RANBP2: variants seen among roughly 807,000 people sequenced by gnomAD.
The protein encoded by RANBP2 is E3 SUMO-protein ligase RanBP2.
RANBP2 carries 57 observed loss-of-function variants against 303.6 expected under a neutral mutation model. That is an observed-to-expected ratio of 0.19 (90% CI 0.15 to 0.23). RANBP2 has a LOEUF of 0.23. Among genes scored for constraint, RANBP2 ranks in the 10% least tolerant of loss-of-function variants. The pLI, the probability that RANBP2 is intolerant of heterozygous loss-of-function variation, is 1.00. For synonymous variants in RANBP2, 1,167 were observed against 1,301.5 expected, an observed-to-expected ratio of 0.90 and a Z score of 2.23; for missense variants, 3,138 against 3,780.8, an observed-to-expected ratio of 0.83 and a Z score of 4.46.
At chr2:109,398,246 T>C in the RANBP2 span, among the ~76,000 whole-genome samples, 1 of 152,186 alleles carries the variant, frequency 6.6e-6, no homozygotes, top group Non-Finnish European at 1.5e-5. Flanking sequence ...TTCCTTCCCA[T>C]CTTGTCCCTA....
the RANBP2 span, chr2:109,544,366 A>C: frequency 6.4e-7 from 1 of 1,556,106 alleles, no homozygotes; most frequent in South Asian, 1.2e-5. Flanking sequence ...AATTTAAAAA[A>C]AATTCAAGTA....
chr2:109,218,838 C>T, the RANBP2 span, among the ~76,000 whole-genome samples: 4 of 152,258 alleles, frequency 2.6e-5, no homozygotes, highest in Non-Finnish European at 5.9e-5. Context: ...ATTAATCAAA[C>T]ACACACACAA....
the RANBP2 span, among the ~76,000 whole-genome samples, chr2:109,239,119 G>A: frequency 6.6e-6 from 1 of 152,176 alleles, no homozygotes; most frequent in African/African-American, 2.4e-5. Flanking sequence ...CGTCTTTTCC[G>A]AGTGTCCCAG....
the RANBP2 span, among the ~76,000 whole-genome samples, chr2:108,802,943 C>T: frequency 7.9e-5 from 12 of 152,150 alleles, no homozygotes; most frequent in Middle Eastern, 3.4e-3. Context: ...TATTGATTTG[C>T]GTATATTGAA....
the RANBP2 span, among the ~76,000 whole-genome samples, chr2:108,938,406 C>T: frequency 0.015 from 2,293 of 152,254 alleles, 30 homozygotes; most frequent in South Asian, 0.03. Context: ...CTGGGGCTGG[C>T]GTCCCAAAGA....
chr2:109,286,536 C>T, the RANBP2 span, among the ~76,000 whole-genome samples: 1 of 152,178 alleles, frequency 6.6e-6, no homozygotes, highest in African/African-American at 2.4e-5. Context: ...CACTAAAACC[C>T]CAGAGCCAGG....
the RANBP2 span, among the ~76,000 whole-genome samples, chr2:109,226,315 A>G: frequency 1.3e-5 from 2 of 152,188 alleles, no homozygotes; most frequent in African/African-American, 2.4e-5. Context: ...CATTTTGAAC[A>G]TGACCCTGCC....
the RANBP2 span, among the ~76,000 whole-genome samples, chr2:108,824,803 A>T: frequency 6.6e-6 from 1 of 152,168 alleles, no homozygotes; most frequent in Non-Finnish European, 1.5e-5. Flanking sequence ...ACACATGAAT[A>T]ATTTACTGCC....
the RANBP2 span, among the ~76,000 whole-genome samples, chr2:109,630,990 C>T: frequency 7.9e-5 from 12 of 151,992 alleles, no homozygotes; most frequent in Non-Finnish European, 1.3e-4. Context: ...CACTTGAACC[C>T]GGGAGGCGGA....
At chr2:109,485,749 G>C in the RANBP2 span, among the ~76,000 whole-genome samples, 1 of 152,246 alleles carries the variant, frequency 6.6e-6, no homozygotes, top group Non-Finnish European at 1.5e-5. Flanking sequence ...AAACACACAT[G>C]GCTTTTTCTG....
At chr2:109,115,065 T>C in the RANBP2 span, among the ~76,000 whole-genome samples, 1 of 152,188 alleles carries the variant, frequency 6.6e-6, no homozygotes. Context: ...ATGTGGTCAA[T>C]TTTGGAATAG....
At chr2:109,369,937 G>A in the RANBP2 span, among the ~76,000 whole-genome samples, 1 of 152,210 alleles carries the variant, frequency 6.6e-6, no homozygotes, top group East Asian at 1.9e-4. Context: ...GGAAAGGCGG[G>A]TGGTGCACTC....
the RANBP2 span, among the ~76,000 whole-genome samples, chr2:109,349,667 C>T: frequency 3.3e-5 from 5 of 152,324 alleles, no homozygotes; most frequent in South Asian, 2.1e-4. Context: ...GCTGCAGAGC[C>T]GAGGCCCTCC....
At chr2:109,423,973 C>T in the RANBP2 span, among the ~76,000 whole-genome samples, 1 of 152,218 alleles carries the variant, frequency 6.6e-6, no homozygotes, top group South Asian at 2.1e-4. Context: ...GACATAGACC[C>T]TGGCGGGCAA....
the RANBP2 span, among the ~76,000 whole-genome samples, chr2:108,880,432 T>C: frequency 1.3e-4 from 20 of 152,236 alleles, no homozygotes; most frequent in African/African-American, 4.6e-4. Flanking sequence ...CCATGAATTA[T>C]GAACTTTCTT....
the RANBP2 span, among the ~76,000 whole-genome samples, chr2:109,035,653 C>T: frequency 2.0e-3 from 300 of 152,304 alleles, 1 homozygote; most frequent in Middle Eastern, 6.8e-3. Context: ...CCCACCCTAT[C>T]CCAGCAAAAG....
chr2:108,747,496 G>A (rs2557920), intron 8 of RANBP2, among the ~76,000 whole-genome samples: 4 of 152,228 alleles, frequency 2.6e-5, no homozygotes, highest in Non-Finnish European at 4.4e-5. Flanking sequence ...CTGTTGGCCA[G>A]AGCTCACATT....
the RANBP2 span, chr2:108,839,139 A>T: frequency 6.5e-7 from 1 of 1,536,864 alleles, no homozygotes; most frequent in Admixed American, 2.1e-5. Context: ...TAAGACATTT[A>T]AAAATACTGT....
At chr2:108,942,972 G>A in the RANBP2 span, among the ~76,000 whole-genome samples, 3 of 152,200 alleles carry the variant, frequency 2.0e-5, no homozygotes, top group African/African-American at 4.8e-5. Flanking sequence ...CTTCGCTGAC[G>A]TGCAGGTAAC....
Sources: gnomAD v4.1 joint callset for allele counts (sites outside exome capture counted in the v4.1 genomes callset) on GRCh38, gnomAD v4.1.1 for gene constraint, MANE v1.5 for transcripts, NCBI Gene and HGNC (gene_info 2026-07-23, HGNC 2026-07-21) for gene names.